Variants in NLRP13 observed in about 807,000 individuals in gnomAD.
NLRP13 encodes the protein NACHT, LRR and PYD domains-containing protein 13.
A neutral mutation model predicts 94.4 loss-of-function variants in NLRP13; 82 were observed. That is an observed-to-expected ratio of 0.87 (90% CI 0.73 to 1.04). The LOEUF (loss-of-function observed/expected upper bound fraction) is 1.04. NLRP13 is among the 50% of genes least tolerant of loss of function. NLRP13 has a pLI of 0.00. For synonymous variants in NLRP13, 553 were observed against 464.7 expected (o/e 1.19, Z -2.45); for missense variants, 1,426 against 1,230.8 (o/e 1.16, Z -2.37).
chr19:55,912,002 A>G lies in NLRP13; in HGVS notation c.1815T>C (p.His605=), dbSNP rs1428722986. The change falls in exon 5 of 11, where the codon CAT becomes CAC. Residue 605 remains histidine, a synonymous_variant. Coordinates refer to ENST00000342929, the MANE Select transcript of NLRP13 (RefSeq NM_176810.2). ...NIARELEDTL[H]CKISPRVMEE... is the part of the protein sequence containing the mutation. The stretch of plus-strand genomic sequence containing the variant: ...CCATTACCCTGGGAGATATTTTACA[A>G]TGCAAAGTATCTTCCAGTTCTCTTG... 2 of 1,614,010 alleles carry G rather than the reference A, an allele frequency of 1.2e-6. No homozygotes were observed. The highest frequency in any genetic ancestry group is 1.3e-5 in the African/African-American group (1 of 74,932).
rs1201547374 is a variant in NLRP13, at chr19:55,907,932, C to A, written c.2307G>T (p.Trp769Cys). 4 of 1,610,762 alleles carry A rather than the reference C, an allele frequency of 2.5e-6. No individual in the cohort carries two copies. The highest frequency in any genetic ancestry group is 3.4e-6 in the Non-Finnish European group (4 of 1,177,958). Residue 769 changes from tryptophan to cysteine, a missense_variant, in exon 7 of 11, where the codon TGG becomes TGT. Transcript: ENST00000342929. ...GGGCAATAATGAGGTCCTGCAGAAC[C>A]CACTCAGGAGTTACCGATTTGCACC... is the stretch of plus-strand genomic sequence containing the variant. ...KLTCKSVTPE[W>C]VLQDLIIALQ...
chr19:55,913,075 C>A lies in NLRP13; in HGVS notation c.742G>T (p.Ala248Ser). ...GVGKTTLAMQ[A>S]MLHWANGVLF... is the part of the protein sequence containing the mutation. ...ACTCCATTTGCCCAGTGCAGCATAG[C>A]CTGCATTGCCAAGGTGGTCTTCCCA... The change falls in exon 5 of 11, where the codon GCT becomes TCT. Residue 248 changes from alanine (A) to serine (S), a missense_variant. Coordinates refer to ENST00000342929, the MANE Select transcript of NLRP13 (RefSeq NM_176810.2). 1.2e-6 allele frequency: 2 copies of A among 1,614,182 alleles called. No individual in the cohort carries two copies. The highest frequency in any genetic ancestry group is 2.2e-5 in the East Asian group (1 of 44,864).
chr19:55,931,987 T>C lies in NLRP13; in HGVS notation c.319+6A>G, dbSNP rs1987158229. On this transcript the variant is annotated splice_donor_region_variant and intron_variant, in intron 1 of 10. Coordinates refer to ENST00000342929, the MANE Select transcript of NLRP13 (RefSeq NM_176810.2). ...CCCTCCCGCCTTCCTTCTTGAGGAC[T>C]CTCACCTTTCATCTCGGCTCTAACT... 1 of 1,612,562 alleles carries C rather than the reference T, an allele frequency of 6.2e-7. No homozygotes were observed. The highest frequency in any genetic ancestry group is 1.1e-5 in the South Asian group (1 of 90,944).
chr19:55,919,001 C>A (rs1432314070), intron 4 of NLRP13, among the ~76,000 whole-genome samples: 1 of 152,012 alleles, frequency 6.6e-6, no homozygotes, highest in Non-Finnish European at 1.5e-5. Context: ...GATCCAACAA[C>A]ACATAAAAAA....
intron 10 of NLRP13, among the ~76,000 whole-genome samples, chr19:55,897,504 AAAAC>A (rs200150976): frequency 0.013 from 1,942 of 152,310 alleles, 12 homozygotes; most frequent in Non-Finnish European, 0.019. Context: ...AGACCCCATC[AAAAC>A]AAACAAAAAA....
chr19:55,894,683 C>T (rs2123096139), downstream of NLRP13, among the ~76,000 whole-genome samples: 1 of 152,286 alleles, frequency 6.6e-6, no homozygotes, highest in Non-Finnish European at 1.5e-5. Context: ...GCTTTTATGT[C>T]TCAGACCTGT....
rs752398050 is a variant in NLRP13 at position 55,907,788 on chromosome 19, TTAC to T, written c.2447+1_2447+3del. The T allele has an allele frequency of 2.5e-6, 4 of 1,613,732 alleles. No homozygotes were observed. Among genetic ancestry groups the T allele is most frequent in the Non-Finnish European group, 2.5e-6 (3 of 1,179,830 alleles). On this transcript the variant is annotated splice_donor_variant and splice_donor_region_variant and intron_variant, in intron 7 of 10. Coordinates refer to ENST00000342929, the MANE Select transcript of NLRP13 (RefSeq NM_176810.2). LOFTEE classifies it high-confidence loss of function. Reference sequence around the variant, plus strand: ...TTGACAGATCTAGGGAGCCAAAGACTTACCACAGATACTTGAGGTTGCAAGCTG... The same window carrying T: ...TTGACAGATCTAGGGAGCCAAAGACTCACAGATACTTGAGGTTGCAAGCTG...
chr19:55,923,945 G>T lies in NLRP13; in HGVS notation c.492C>A (p.Asn164Lys), dbSNP rs1425315111. ...CCTCTAGCATCTCTGGTTCTTCTTG[G>T]TTTGGATCTTGGCATCCCTGGGCCT... is the stretch of plus-strand genomic sequence containing the variant. ...NVQAQGCQDP[N>K]QEEPEMLEEA... The change falls in exon 4 of 11, where the codon AAC (asparagine) becomes AAA (lysine). Residue 164 changes from asparagine to lysine, a missense_variant. Asn to Lys is a moderately conservative substitution (Grantham distance 94). Transcript: ENST00000342929. 1 of 1,613,804 alleles carries T rather than the reference G, an allele frequency of 6.2e-7. No homozygotes were observed. The highest frequency in any genetic ancestry group is 1.1e-5 in the South Asian group (1 of 91,062).
chr19:55,899,578 G>A lies in NLRP13; in HGVS notation c.2790-641C>T, dbSNP rs1229633674. ...GGGTGGATCATGAGGTCAGGAGTTC[G>A]AGACCAGCCTGCCCAACATGGTGAA... On this transcript the variant is annotated intron_variant, in intron 9 of 10. Coordinates refer to ENST00000342929, the MANE Select transcript of NLRP13 (RefSeq NM_176810.2). 3.3e-5 allele frequency among the ~76,000 whole-genome samples: 5 copies of A among 152,128 alleles called. No homozygotes were observed. The East Asian group carries it at 7.8e-4, about 24-fold the overall frequency.
intron 8 of NLRP13, among the ~76,000 whole-genome samples, chr19:55,902,836 A>G (rs1986224740): frequency 6.6e-6 from 1 of 150,638 alleles, no homozygotes; most frequent in Non-Finnish European, 1.5e-5. Context: ...ACTATATATT[A>G]CATACATATA....
At chr19:55,897,827 T>G (rs1382694375) in intron 10 of NLRP13, among the ~76,000 whole-genome samples, 1 of 152,072 alleles carries the variant, frequency 6.6e-6, no homozygotes, top group Non-Finnish European at 1.5e-5. Context: ...CTGGAGGTGG[T>G]TTACAATTTG....
chr19:55,912,691 C>G lies in NLRP13; in HGVS notation c.1126G>C (p.Val376Leu). 6.2e-7 allele frequency: 1 copy of G among 1,614,194 alleles called. No individual in the cohort carries two copies. Among genetic ancestry groups the G allele is most frequent in the Non-Finnish European group, 8.5e-7 (1 of 1,180,034 alleles). ...WFVRDLKASL[V>L]NPCFVQITGF... The stretch of plus-strand genomic sequence containing the variant: ...GTAATTTGTACAAAGCATGGATTCA[C>G]TAATGAGGCCTTAAGATCTCTCACA... The change falls in exon 5 of 11, where the codon GTG becomes CTG. Residue 376 changes from valine to leucine, a missense_variant. Transcript: ENST00000342929.
intron 1 of NLRP13, among the ~76,000 whole-genome samples, chr19:55,925,475 C>G (rs1446596795): frequency 1.3e-5 from 2 of 152,198 alleles, no homozygotes; most frequent in African/African-American, 4.8e-5. Flanking sequence ...TGTCTATTGC[C>G]TGTCTAGGGA....
chr19:55,913,132 G>C lies in NLRP13; in HGVS notation c.685C>G (p.Gln229Glu), dbSNP rs757705846. 1 of 1,614,130 alleles carries C rather than the reference G, an allele frequency of 6.2e-7. No homozygotes were observed. Among genetic ancestry groups the C allele is most frequent in the South Asian group, 1.1e-5 (1 of 91,080 alleles). Residue 229 changes from glutamine to glutamate, a missense_variant, in exon 5 of 11, where the codon CAG becomes GAG. By Grantham distance (29) the Gln-to-Glu change is conservative. Coordinates refer to ENST00000342929, the MANE Select transcript of NLRP13 (RefSeq NM_176810.2). ...LDPNRTRAQA[Q>E]TIVLVGRAGV... ...GCCCTCCCCACCAAGACTATCGTCT[G>C]GGCCTGGGCTCTAGTCCTATTAGGA...
chr19:55,900,969 G>A (rs972219716), intron 9 of NLRP13, among the ~76,000 whole-genome samples: 2 of 152,006 alleles, frequency 1.3e-5, no homozygotes, highest in African/African-American at 2.4e-5. Flanking sequence ...TCCCTTGACC[G>A]GCCAGGCACA....
rs1277342325 is a variant in NLRP13 at position 55,916,766 on chromosome 19, G to T, written c.524-3473C>A. ...AATCATAGGCATTCCTGAGGGAGAA[G>T]AAAGAGCAAAAAGTTTTAAAAACCT... On this transcript the variant is annotated intron_variant, in intron 4 of 10. Coordinates refer to ENST00000342929, the MANE Select transcript of NLRP13 (RefSeq NM_176810.2). 2.0e-5 allele frequency among the ~76,000 whole-genome samples: 3 copies of T among 152,062 alleles called. 1 individual carries two copies. The highest frequency in any genetic ancestry group is 1.3e-4 in the Admixed American group (2 of 15,272).
chr19:55,924,639 T>A lies in NLRP13; in HGVS notation c.408A>T (p.Gly136=), dbSNP rs1986923771. The A allele has an allele frequency of 1.2e-6, 2 of 1,613,406 alleles. No homozygotes were observed. The highest frequency in any genetic ancestry group is 2.7e-5 in the African/African-American group (2 of 74,814). ...GTTCTTCTTGGTTTGGATCTTGGCA[T>A]CCCTGGGTCTGCATATTCCCTGAAA... is the stretch of plus-strand genomic sequence containing the variant. ...EAAAGNMQTQ[G]CQDPNQEELD... Residue 136 remains glycine, a synonymous_variant, in exon 3 of 11, where the codon GGA becomes GGT. Transcript: ENST00000342929.
At position 55,907,732 on chromosome 19, in the gene NLRP13, G is replaced by A. The variant is rs184162496; in HGVS notation, c.2447+60C>T. The A allele has an allele frequency of 3.3e-5, 50 of 1,529,696 alleles. No individual in the cohort carries two copies. In the Admixed American group the frequency reaches 6.7e-4, roughly 20 times the overall value. 94.8% of individuals were successfully genotyped at this position (1,529,696 alleles called of 1,614,324 possible). A position where few individuals can be genotyped will look rare whatever the true frequency, so the allele number is the denominator to read the frequency against. On this transcript the variant is annotated intron_variant, in intron 7 of 10. Coordinates refer to ENST00000342929, the MANE Select transcript of NLRP13 (RefSeq NM_176810.2). ...GTGCTGTCAGCCCTCCCAGTGGATC[G>A]TGGAAGCTACTGGTGGTCTTGCAAC...
intron 4 of NLRP13, among the ~76,000 whole-genome samples, chr19:55,919,437 T>C (rs1218382705): frequency 6.6e-6 from 1 of 151,862 alleles, no homozygotes; most frequent in Admixed American, 6.6e-5. Flanking sequence ...AAATTATCTG[T>C]TGATATGATC....
Sources: gnomAD v4.1 joint callset for allele counts (sites outside exome capture counted in the v4.1 genomes callset) on GRCh38, gnomAD v4.1.1 for gene constraint, MANE v1.5 for transcripts, NCBI Gene and HGNC (gene_info 2026-07-23, HGNC 2026-07-21) for gene names.